The following LEF1 variants were observed in gnomAD, a reference collection of about 807,000 sequenced individuals.
The protein encoded by LEF1 is lymphoid enhancer binding factor 1, also known as lymphoid enhancer-binding factor 1.
In LEF1, 14 loss-of-function variants were observed where a neutral mutation model predicts 51.2. The ratio of observed to expected loss-of-function variants is 0.27; its 90% CI spans 0.18 to 0.43. The LOEUF (loss-of-function observed/expected upper bound fraction) is 0.43. LEF1 is among the 20% of genes least tolerant of loss of function. The pLI is 1.00. For missense variants in LEF1, 386 were observed against 512.0 expected (o/e 0.75, Z 2.37); for synonymous variants, 185 against 183.2 (o/e 1.01, Z -0.08).
chr4:108,159,361 G>A (rs548164364), intron 3 of LEF1, among the ~76,000 whole-genome samples: 2 of 152,298 alleles, frequency 1.3e-5, no homozygotes, highest in African/African-American at 2.4e-5. Context: ...TTCTCCACTT[G>A]AAGGGGAAAA....
At chr4:108,145,933 CACTA>C (rs922807736) in intron 3 of LEF1, among the ~76,000 whole-genome samples, 10 of 152,172 alleles carry the variant, frequency 6.6e-5, no homozygotes, top group East Asian at 1.9e-4. Context: ...ATGATGGCTG[CACTA>C]ACTATGTGAA....
At chr4:108,135,815 T>C (rs1266077359) in intron 3 of LEF1, among the ~76,000 whole-genome samples, 3 of 152,182 alleles carry the variant, frequency 2.0e-5, no homozygotes, top group African/African-American at 7.2e-5. Context: ...GCTAACCTGC[T>C]TGGAGCCTGC....
intron 3 of LEF1, among the ~76,000 whole-genome samples, chr4:108,092,217 T>G (rs1451195087): frequency 6.6e-6 from 1 of 152,238 alleles, no homozygotes; most frequent in African/African-American, 2.4e-5. Context: ...GGATTTTAAT[T>G]TAAGCCTGGC....
intron 3 of LEF1, among the ~76,000 whole-genome samples, chr4:108,163,306 ATG>A (rs1745177443): frequency 6.6e-6 from 1 of 152,166 alleles, no homozygotes; most frequent in African/African-American, 2.4e-5. Context: ...GGATTTGTTG[ATG>A]TAACTTCACT....
At chr4:108,156,574 G>A (rs1167384724) in intron 3 of LEF1, among the ~76,000 whole-genome samples, 2 of 152,066 alleles carry the variant, frequency 1.3e-5, no homozygotes, top group Non-Finnish European at 2.9e-5. Context: ...TCTACTCTGT[G>A]CTAGGCTGAC....
chr4:108,089,316 C>G (rs1041391712), intron 3 of LEF1, 59 bp from the exon 4 acceptor site: 14 of 1,560,100 alleles, frequency 9.0e-6, no homozygotes, highest in Middle Eastern at 1.8e-4. Flanking sequence ...GTCTTTTCTC[C>G]CAAAGAAAAA....
intron 9 of LEF1, among the ~76,000 whole-genome samples, chr4:108,068,826 T>C (rs767223404): frequency 7.2e-5 from 11 of 152,302 alleles, no homozygotes; most frequent in Non-Finnish European, 1.3e-4. Flanking sequence ...CCTAAAGCAA[T>C]GGCTACATAT....
intron 3 of LEF1, among the ~76,000 whole-genome samples, chr4:108,094,895 C>T (rs868536683): frequency 1.3e-5 from 2 of 152,208 alleles, no homozygotes; most frequent in South Asian, 2.1e-4. Flanking sequence ...CATGTAACTT[C>T]ATGCTGCGCC....
At chr4:108,165,546 GTTCAC>G (rs1745333390) in intron 1 of LEF1, among the ~76,000 whole-genome samples, 1 of 152,134 alleles carries the variant, frequency 6.6e-6, no homozygotes. Context: ...TTCAACCACT[GTTCAC>G]TTCAATCAGA....
At chr4:108,105,577 T>C (rs1221757486) in intron 3 of LEF1, among the ~76,000 whole-genome samples, 1 of 152,196 alleles carries the variant, frequency 6.6e-6, no homozygotes, top group Non-Finnish European at 1.5e-5. Context: ...TGTTTTTACC[T>C]CAAACATCTC....
chr4:108,164,710 A>G (rs1745271846), intron 2 of LEF1, among the ~76,000 whole-genome samples: 1 of 152,186 alleles, frequency 6.6e-6, no homozygotes, highest in African/African-American at 2.4e-5. Context: ...GTGAAAATCC[A>G]CTCAAAACTA....
rs952000686 is a variant in LEF1 at position 108,165,812 on chromosome 4, A to T, written c.214-649T>A. Among the ~76,000 whole-genome samples the T allele has an allele frequency of 5.3e-5, 8 of 152,188 alleles. No individual in the cohort carries two copies. The East Asian group carries it at 1.3e-3, about 26-fold the overall frequency. On this transcript the variant is annotated intron_variant, in intron 1 of 11. Transcript: ENST00000265165. ...TCTAAAAGGTAGCCCAGTTGATATC[A>T]GTTTTGGTAATCACCATCCACCCAG... is the stretch of plus-strand genomic sequence containing the variant.
At chr4:108,122,869 A>T (rs538500982) in intron 3 of LEF1, among the ~76,000 whole-genome samples, 1 of 152,330 alleles carries the variant, frequency 6.6e-6, no homozygotes, top group East Asian at 1.9e-4. Context: ...AAATAAAAGT[A>T]AATATTCAGT....
At chr4:108,146,038 A>T (rs1350328395) in intron 3 of LEF1, among the ~76,000 whole-genome samples, 2 of 152,260 alleles carry the variant, frequency 1.3e-5, no homozygotes, top group Non-Finnish European at 2.9e-5. Flanking sequence ...TATTTTAAAA[A>T]TAAGTGACCA....
chr4:108,162,754 G>A (rs139849398), intron 3 of LEF1, among the ~76,000 whole-genome samples: 4 of 152,172 alleles, frequency 2.6e-5, no homozygotes, highest in Non-Finnish European at 5.9e-5. Context: ...TAAAAAGTCC[G>A]TCACCAACGC....
At chr4:108,163,260 T>C (rs1241169873) in intron 3 of LEF1, among the ~76,000 whole-genome samples, 2 of 152,212 alleles carry the variant, frequency 1.3e-5, no homozygotes, top group South Asian at 4.1e-4. Flanking sequence ...TTTTTTCCTC[T>C]CATCAGCATA....
intron 6 of LEF1, among the ~76,000 whole-genome samples, chr4:108,081,357 G>T (rs1204371234): frequency 6.6e-6 from 1 of 152,086 alleles, no homozygotes; most frequent in East Asian, 1.9e-4. Context: ...TTCCAAGGAG[G>T]CTGAGTCCAT....
chr4:108,078,464 T>C (rs1739066469), intron 7 of LEF1, 82 bp from the exon 8 acceptor site: 1 of 1,560,958 alleles, frequency 6.4e-7, no homozygotes, highest in Non-Finnish European at 8.8e-7. Context: ...GCAGAGCACC[T>C]GCTCACATGG....
chr4:108,127,273 C>T (rs1488956273), intron 3 of LEF1, among the ~76,000 whole-genome samples: 1 of 152,234 alleles, frequency 6.6e-6, no homozygotes, highest in African/African-American at 2.4e-5. Flanking sequence ...GGGAAGGCTC[C>T]TCATGTCATG....
Sources: allele counts gnomAD v4.1 joint callset (sites outside exome capture counted in the v4.1 genomes callset), GRCh38; gene constraint gnomAD v4.1.1; transcripts MANE v1.5; gene names NCBI Gene and HGNC (gene_info 2026-07-23, HGNC 2026-07-21).